SLC25A36: variants seen among roughly 807,000 people sequenced by gnomAD.
SLC25A36 encodes the protein epididymis secretory sperm binding protein.
A neutral mutation model predicts 35.3 loss-of-function variants in SLC25A36; 24 were observed. The ratio of observed to expected loss-of-function variants is 0.68; its 90% confidence interval spans 0.49 to 0.96. The LOEUF (loss-of-function observed/expected upper bound fraction) is 0.96, where lower values mean the gene tolerates loss of function less well. SLC25A36 is among the 40% of genes least tolerant of loss of function. The probability of loss-of-function intolerance (pLI) is 0.00; values close to 1 mark genes in which losing one functional copy is unlikely to be tolerated. For missense variants in SLC25A36, 294 were observed against 381.1 expected, an observed-to-expected ratio of 0.77 and a Z score of 1.90; for synonymous variants, 141 against 132.2, an observed-to-expected ratio of 1.07 and a Z score of -0.46.
At chr3:140,965,439 A>G (rs1315415221) in intron 4 of SLC25A36, 2 of 151,840 alleles carry the variant, frequency 1.3e-5, no homozygotes, top group East Asian at 3.9e-4. Context: ...TAAACCATTA[A>G]TGATACTGCC....
rs1392257775 is a variant in SLC25A36, at chr3:140,976,163, G to GCATACA, written c.743-96_743-95insATACAC. On this transcript the variant is annotated intron_variant, in intron 6 of 6. Transcript: ENST00000324194. ...TAGAAGCCATCCTTTTTTATCCTGA[G>GCATACA]CTTACACTTACAGACTGATAAATGG... is the stretch of plus-strand genomic sequence containing the variant. 5 of 800,152 alleles carry GCATACA rather than the reference G, an allele frequency of 6.2e-6. No individual in the cohort carries two copies. In the Admixed American group the frequency reaches 1.5e-4, roughly 25 times the overall value. The allele number at this position is 800,152 out of a possible 1,614,324, so 49.6% of individuals were successfully genotyped here. A position where few individuals can be genotyped will look rare whatever the true frequency, so the allele number is the denominator to read the frequency against.
At chr3:140,960,229 G>A (rs1934593153) in intron 3 of SLC25A36, among the ~76,000 whole-genome samples, 1 of 152,114 alleles carries the variant, frequency 6.6e-6, no homozygotes, top group African/African-American at 2.4e-5. Context: ...GGCTAAGGCT[G>A]CAAAATACTC....
intron 6 of SLC25A36, 55 bp downstream of exon 6, chr3:140,974,060 C>A: frequency 8.2e-7 from 1 of 1,218,196 alleles, no homozygotes; most frequent in Non-Finnish European, 1.1e-6. Context: ...GCCAACAGCT[C>A]ACTTATTAAA....
In SLC25A36 at chr3:140,979,336, A is replaced by T. The variant is rs556221291; in HGVS notation, c.*2883A>T. 1.3e-5 allele frequency: 2 copies of T among 152,280 alleles called. No individual in the cohort carries two copies. The highest frequency in any genetic ancestry group is 4.8e-5 in the African/African-American group (2 of 41,574). 9.4% of individuals were successfully genotyped at this position (152,280 alleles called of 1,614,324 possible). A position where few individuals can be genotyped will look rare whatever the true frequency, so the allele number is the denominator to read the frequency against. ...TGGTTTTAAATCACTAAAAATATTT[A>T]TTCGGATTTGAAGGATTTAAGTGCT... On this transcript the variant is annotated 3_prime_UTR_variant, in exon 7 of 7. Transcript: ENST00000324194.
Position 140,973,708 on chromosome 3 carries a change from C to A in SLC25A36, c.453-8C>A. On this transcript the variant is annotated splice_polypyrimidine_tract_variant and splice_region_variant and intron_variant, in intron 5 of 6. Coordinates refer to ENST00000324194, the MANE Select transcript of SLC25A36 (RefSeq NM_001104647.3). ...CCTATCAGTAAGATGTTTCTTTTTG[C>A]TTTTCAGGAACCGCGGGGAAAGGCG... The A allele has an allele frequency of 7.0e-7, 1 of 1,433,716 alleles. No individual in the cohort carries two copies. The allele number at this position is 1,433,716 out of a possible 1,614,324, so 88.8% of individuals were successfully genotyped here. A position where few individuals can be genotyped will look rare whatever the true frequency, so the allele number is the denominator to read the frequency against.
At position 140,942,006 on chromosome 3, in the gene SLC25A36, GC is replaced by G; in HGVS notation, c.-47del. 1.8e-6 allele frequency: 2 copies of G among 1,091,964 alleles called. No homozygotes were observed. Among genetic ancestry groups the G allele is most frequent in the Non-Finnish European group, 2.7e-6 (2 of 740,724 alleles). The allele number at this position is 1,091,964 out of a possible 1,614,324, so 67.6% of individuals were successfully genotyped here. A position where few individuals can be genotyped will look rare whatever the true frequency, so the allele number is the denominator to read the frequency against. The stretch of plus-strand genomic sequence containing the variant: ...CCGAAGCCGCCTGCCGTAGCGGGCG[GC>G]CAGATCCGCGTCCCGCCTCAGCGGC... On this transcript the variant is annotated 5_prime_UTR_variant, in exon 1 of 7. Coordinates refer to ENST00000324194, the MANE Select transcript of SLC25A36 (RefSeq NM_001104647.3).
At position 140,979,599 on chromosome 3, in the gene SLC25A36, C is replaced by T. The variant is rs2107825705; in HGVS notation, c.*3146C>T. ...AAAATACAATGTACAAACTTTCTGC[C>T]CACTCAGATCTCTTCTCCATCATGT... On this transcript the variant is annotated 3_prime_UTR_variant, in exon 7 of 7. Coordinates refer to ENST00000324194, the MANE Select transcript of SLC25A36 (RefSeq NM_001104647.3). 1 of 152,122 alleles carries T rather than the reference C, an allele frequency of 6.6e-6. No homozygotes were observed. Among genetic ancestry groups the T allele is most frequent in the African/African-American group, 2.4e-5 (1 of 41,496 alleles). The allele number at this position is 152,122 out of a possible 1,614,324, so 9.4% of individuals were successfully genotyped here.
Position 140,945,706 on chromosome 3 carries a change from T to C in SLC25A36, c.41+3611T>C, listed in dbSNP as rs369201538. On this transcript the variant is annotated intron_variant, in intron 1 of 6. Coordinates refer to ENST00000324194, the MANE Select transcript of SLC25A36 (RefSeq NM_001104647.3). ...GCATGAAGGCAGTGGCACCAGACTG[T>C]AGTCATCGTATTCACCTCCAGGTAC... Among the ~76,000 whole-genome samples the C allele has an allele frequency of 2.0e-5, 3 of 150,458 alleles. No homozygotes were observed. In the East Asian group the frequency reaches 5.9e-4, roughly 29 times the overall value.
chr3:140,977,456 A>G lies in SLC25A36; in HGVS notation c.*1003A>G, dbSNP rs545193359. The G allele has an allele frequency of 3.0e-4, 45 of 150,670 alleles. No individual in the cohort carries two copies. The highest frequency in any genetic ancestry group is 1.1e-3 in the African/African-American group (43 of 40,780). The allele number at this position is 150,670 out of a possible 1,614,324, so 9.3% of individuals were successfully genotyped here. A position where few individuals can be genotyped will look rare whatever the true frequency, so the allele number is the denominator to read the frequency against. ...TTAAGGTGACAATATTTGGGACAGTATAAATATTATAGACAAGGGCCCCCT... is the reference window on the plus strand; with the variant it reads ...TTAAGGTGACAATATTTGGGACAGTGTAAATATTATAGACAAGGGCCCCCT... On this transcript the variant is annotated 3_prime_UTR_variant, in exon 7 of 7. Transcript: ENST00000324194.
intron 1 of SLC25A36, among the ~76,000 whole-genome samples, chr3:140,954,276 G>T (rs1041558136): frequency 9.9e-5 from 15 of 152,228 alleles, no homozygotes; most frequent in Non-Finnish European, 1.8e-4. Context: ...TTGTACCACA[G>T]TTTGCTTCCA....
At position 140,980,006 on chromosome 3, in the gene SLC25A36, A is replaced by G. The variant is rs189907878; in HGVS notation, c.*3553A>G. On this transcript the variant is annotated 3_prime_UTR_variant, in exon 7 of 7. Transcript: ENST00000324194. ...TAATCACACTTTTTTGGATTATCCT[A>G]TGTGTGGAACAAAAATCCATTGCCA... 5 of 152,284 alleles carry G rather than the reference A, an allele frequency of 3.3e-5. No homozygotes were observed. Among genetic ancestry groups the G allele is most frequent in the Admixed American group, 1.3e-4 (2 of 15,288 alleles). 9.4% of individuals were successfully genotyped at this position (152,284 alleles called of 1,614,324 possible).
At chr3:140,955,068 T>C (rs1204770991) in intron 1 of SLC25A36, among the ~76,000 whole-genome samples, 8 of 152,134 alleles carry the variant, frequency 5.3e-5, no homozygotes, top group Admixed American at 5.2e-4. Flanking sequence ...TAATGTTCTT[T>C]ATTTTTTAAT....
At chr3:140,961,991 T>C (rs973146111) in intron 3 of SLC25A36, among the ~76,000 whole-genome samples, 1 of 152,092 alleles carries the variant, frequency 6.6e-6, no homozygotes, top group African/African-American at 2.4e-5. Context: ...TTCACTGTTT[T>C]AATATGATTT....
intron 1 of SLC25A36, among the ~76,000 whole-genome samples, chr3:140,952,893 T>G (rs1198679159): frequency 6.6e-6 from 1 of 152,222 alleles, no homozygotes; most frequent in Non-Finnish European, 1.5e-5. Flanking sequence ...TTTCTTAGGT[T>G]TTACAGAATA....
chr3:140,978,627 T>A lies in SLC25A36; in HGVS notation c.*2174T>A, dbSNP rs1935113012. ...ATTTGTATTTAGCAAGTAAAACTTG[T>A]GTTGACCTTTAGTGCATTATATTCA... On this transcript the variant is annotated 3_prime_UTR_variant, in exon 7 of 7. Coordinates refer to ENST00000324194, the MANE Select transcript of SLC25A36 (RefSeq NM_001104647.3). 1 of 152,196 alleles carries A rather than the reference T, an allele frequency of 6.6e-6. No individual in the cohort carries two copies. Among genetic ancestry groups the A allele is most frequent in the South Asian group, 2.1e-4 (1 of 4,832 alleles). 9.4% of individuals were successfully genotyped at this position (152,196 alleles called of 1,614,324 possible). A position where few individuals can be genotyped will look rare whatever the true frequency, so the allele number is the denominator to read the frequency against.
At chr3:140,958,808 A>G (rs1176550121) in intron 2 of SLC25A36, among the ~76,000 whole-genome samples, 1 of 148,358 alleles carries the variant, frequency 6.7e-6, no homozygotes, top group African/African-American at 2.6e-5. Context: ...AATCGAAGAT[A>G]AGAGTAGCAT....
At chr3:140,972,390 G>C (rs2107815101) in intron 5 of SLC25A36, among the ~76,000 whole-genome samples, 1 of 152,278 alleles carries the variant, frequency 6.6e-6, no homozygotes, top group African/African-American at 2.4e-5. Flanking sequence ...GCTGAGCGCA[G>C]TGGATCATGC....
Position 140,976,726 on chromosome 3 carries a change from GAC to G in SLC25A36, c.*277_*278del. The G allele has an allele frequency of 3.7e-6, 1 of 269,528 alleles. No homozygotes were observed. Among genetic ancestry groups the G allele is most frequent in the South Asian group, 1.2e-4 (1 of 8,428 alleles). The allele number at this position is 269,528 out of a possible 1,614,324, so 16.7% of individuals were successfully genotyped here. On this transcript the variant is annotated 3_prime_UTR_variant, in exon 7 of 7. Transcript: ENST00000324194. ...GCCATTTTCTCTACCATGTCCCCCA[GAC>G]ACAGTTGGGTTTTGTTGATTTATGG...
intron 1 of SLC25A36, among the ~76,000 whole-genome samples, chr3:140,946,130 G>C (rs1251197703): frequency 6.6e-6 from 1 of 152,130 alleles, no homozygotes; most frequent in Non-Finnish European, 1.5e-5. Flanking sequence ...ACAAGGGACT[G>C]TCTTGTCTAG....
Sources: allele counts gnomAD v4.1 joint callset (sites outside exome capture counted in the v4.1 genomes callset), GRCh38; gene constraint gnomAD v4.1.1; transcripts MANE v1.5; gene names NCBI Gene and HGNC (gene_info 2026-07-23, HGNC 2026-07-21).